Variants in DPF3 observed in about 807,000 individuals in gnomAD.
DPF3 encodes the protein zinc finger protein DPF3.
A neutral mutation model predicts 56.8 loss-of-function variants in DPF3; 18 were observed. That is an observed-to-expected ratio of 0.32 (90% confidence interval 0.22 to 0.47). The LOEUF (loss-of-function observed/expected upper bound fraction) is 0.47. DPF3 is among the 20% of genes least tolerant of loss of function. DPF3 has a pLI of 1.00. For synonymous variants in DPF3, 188 were observed against 180.2 expected, an observed-to-expected ratio of 1.04 and a Z score of -0.35; for missense variants, 403 against 488.8, an observed-to-expected ratio of 0.82 and a Z score of 1.65.
intron 1 of DPF3, among the ~76,000 whole-genome samples, chr14:72,782,820 G>A (rs542244704): frequency 2.0e-3 from 305 of 149,860 alleles, no homozygotes; most frequent in Non-Finnish European, 3.8e-3. Flanking sequence ...GCGACAGAGC[G>A]AGACTCCATC....
At chr14:72,698,960 T>G (rs919992598) in intron 6 of DPF3, among the ~76,000 whole-genome samples, 4 of 152,166 alleles carry the variant, frequency 2.6e-5, no homozygotes, top group Non-Finnish European at 4.4e-5. Context: ...GAGATGCACA[T>G]GTTTCTGACG....
chr14:72,624,259 A>G (rs538622530), intron 9 of DPF3, among the ~76,000 whole-genome samples: 10 of 151,906 alleles, frequency 6.6e-5, no homozygotes, highest in African/African-American at 1.9e-4. Flanking sequence ...AAATCAGAAA[A>G]TTACCATTGG....
chr14:72,662,174 CACTT>C (rs1886244478), intron 8 of DPF3: 1 of 985,420 alleles, frequency 1.0e-6, no homozygotes, highest in Non-Finnish European at 1.2e-6. Flanking sequence ...GAGCACTCCT[CACTT>C]ACCACATCCA....
At chr14:72,626,675 TATCTTCAAGGTA>T (rs1884850126) in intron 9 of DPF3, among the ~76,000 whole-genome samples, 1 of 152,174 alleles carries the variant, frequency 6.6e-6, no homozygotes, top group Non-Finnish European at 1.5e-5. Flanking sequence ...GTTGCAGGTA[TATCTTCAAGGTA>T]GATTCCTGTA....
chr14:72,776,645 A>G (rs1249133042), intron 1 of DPF3, among the ~76,000 whole-genome samples: 4 of 151,494 alleles, frequency 2.6e-5, no homozygotes, highest in African/African-American at 4.9e-5. Context: ...TCTTCCTCCA[A>G]CCTCCTGCTC....
intron 7 of DPF3, among the ~76,000 whole-genome samples, chr14:72,679,910 G>A (rs1233037936): frequency 2.6e-5 from 4 of 152,252 alleles, no homozygotes; most frequent in Admixed American, 2.0e-4. Flanking sequence ...ATGAGAGGGT[G>A]GGGAGTAAGG....
At chr14:72,883,002 G>A (rs1213731507) in intron 1 of DPF3, among the ~76,000 whole-genome samples, 3 of 152,300 alleles carry the variant, frequency 2.0e-5, no homozygotes, top group East Asian at 1.9e-4. Flanking sequence ...TAGTTCTCAG[G>A]GGCAGGCAGG....
At chr14:72,736,713 T>C (rs1047308893) in intron 3 of DPF3, among the ~76,000 whole-genome samples, 3 of 152,090 alleles carry the variant, frequency 2.0e-5, no homozygotes, top group Non-Finnish European at 4.4e-5. Context: ...CCCTTAGGGA[T>C]TTCATTTATC....
At chr14:72,816,894 C>T (rs1465181955) in intron 1 of DPF3, among the ~76,000 whole-genome samples, 1 of 152,152 alleles carries the variant, frequency 6.6e-6, no homozygotes, top group Non-Finnish European at 1.5e-5. Context: ...TCTTTAATTC[C>T]TCCTTCCAGC....
chr14:72,744,981 G>A (rs1363846656), intron 3 of DPF3, among the ~76,000 whole-genome samples: 2 of 152,080 alleles, frequency 1.3e-5, no homozygotes, highest in Non-Finnish European at 2.9e-5. Flanking sequence ...GAACCCAGGT[G>A]GGCTTCAACA....
At chr14:72,705,836 T>C (rs557464095) in intron 6 of DPF3, among the ~76,000 whole-genome samples, 1 of 151,650 alleles carries the variant, frequency 6.6e-6, no homozygotes, top group Non-Finnish European at 1.5e-5. Context: ...CATCACACAA[T>C]GTGGGAGGCA....
At chr14:72,823,334 C>T (rs1203614534) in intron 1 of DPF3, among the ~76,000 whole-genome samples, 1 of 152,190 alleles carries the variant, frequency 6.6e-6, no homozygotes, top group Non-Finnish European at 1.5e-5. Context: ...GATTACTTCC[C>T]AATACCAGAG....
intron 5 of DPF3, among the ~76,000 whole-genome samples, chr14:72,716,196 G>A (rs188338805): frequency 2.6e-5 from 4 of 152,190 alleles, no homozygotes; most frequent in South Asian, 2.1e-4. Flanking sequence ...CTGGATGTAC[G>A]AGGGCTTCTG....
intron 7 of DPF3, among the ~76,000 whole-genome samples, chr14:72,677,649 A>T (rs920027771): frequency 4.6e-5 from 7 of 152,002 alleles, no homozygotes; most frequent in Admixed American, 2.0e-4. Flanking sequence ...GATGGCAGGG[A>T]TGTTAGTGGG....
At chr14:72,741,188 A>G (rs7146916) in intron 3 of DPF3, among the ~76,000 whole-genome samples, 1,643 of 152,318 alleles carry the variant, frequency 0.011, 29 homozygotes, top group African/African-American at 0.037. Context: ...ACTGTGTTGC[A>G]GAGACCCACC....
intron 6 of DPF3, among the ~76,000 whole-genome samples, chr14:72,697,315 A>T (rs1887946424): frequency 1.3e-5 from 2 of 152,174 alleles, no homozygotes; most frequent in African/African-American, 4.8e-5. Context: ...TCTAGCAGAG[A>T]TCTGCATGTA....
In DPF3 at chr14:72,844,374, C is replaced by G. The variant is rs117544390; in HGVS notation, c.32+49683G>C. ...TTGGGTCATGAAACTCAATAAAGCT[C>G]TCTTCATTTTGATTGGAGGGGGGAA... On this transcript the variant is annotated intron_variant, in intron 1 of 10. Coordinates refer to ENST00000556509, the MANE Select transcript of DPF3 (RefSeq NM_001280542.3). 3.9e-3 allele frequency among the ~76,000 whole-genome samples: 601 copies of G among 152,252 alleles called. 7 individuals are homozygous for G. The highest frequency in any genetic ancestry group is 3.3e-3 in the Non-Finnish European group (226 of 68,012).
At chr14:72,821,381 A>G (rs1317839202) in intron 1 of DPF3, among the ~76,000 whole-genome samples, 1 of 152,048 alleles carries the variant, frequency 6.6e-6, no homozygotes, top group African/African-American at 2.4e-5. Flanking sequence ...CCAGGAGTCC[A>G]AGACCTGCCT....
chr14:72,706,950 A>T (rs1348888639), intron 6 of DPF3, among the ~76,000 whole-genome samples: 1 of 152,020 alleles, frequency 6.6e-6, no homozygotes, highest in African/African-American at 2.4e-5. Flanking sequence ...AGCATTAGGT[A>T]TATCTCCTAA....
Sources: allele counts gnomAD v4.1 joint callset (sites outside exome capture counted in the v4.1 genomes callset), GRCh38; gene constraint gnomAD v4.1.1; transcripts MANE v1.5; gene names NCBI Gene and HGNC (gene_info 2026-07-23, HGNC 2026-07-21).